Variants in ARHGEF10L observed in about 807,000 individuals in gnomAD.
ARHGEF10L encodes the protein Rho guanine nucleotide exchange factor 10 like.
Under a neutral mutation model 141.2 loss-of-function variants are expected in ARHGEF10L, and 69 were observed. The ratio of observed to expected loss-of-function variants is 0.49; its 90% CI spans 0.40 to 0.60. The LOEUF (loss-of-function observed/expected upper bound fraction) is 0.60, where lower values mean the gene tolerates loss of function less well. Among genes scored for constraint, ARHGEF10L ranks in the 20% least tolerant of loss-of-function variants. The pLI, the probability that ARHGEF10L is intolerant of heterozygous loss-of-function variation, is 0.00. For synonymous variants in ARHGEF10L, 711 were observed against 718.5 expected (o/e 0.99, Z 0.17); for missense variants, 1,482 against 1,734.3 (o/e 0.85, Z 2.58).
At chr1:17,556,897 C>A (rs1156462598) in intron 1 of ARHGEF10L, among the ~76,000 whole-genome samples, 2 of 152,200 alleles carry the variant, frequency 1.3e-5, no homozygotes, top group African/African-American at 4.8e-5. Context: ...CGGCACTTGC[C>A]TATAGTCCCA....
At chr1:17,630,222 C>T (rs1387460447) in intron 15 of ARHGEF10L, among the ~76,000 whole-genome samples, 1 of 152,214 alleles carries the variant, frequency 6.6e-6, no homozygotes, top group Non-Finnish European at 1.5e-5. Flanking sequence ...GGGTGTAACC[C>T]GAAACGGAAC....
At chr1:17,632,267 G>T (rs895759112) in intron 15 of ARHGEF10L, 54 bp from the exon 16 acceptor site, 2 of 1,603,616 alleles carry the variant, frequency 1.2e-6, no homozygotes, top group African/African-American at 2.7e-5. Flanking sequence ...TCTCCGGCGC[G>T]GTAAAGCCGC....
chr1:17,646,395 A>T (rs1486763549), intron 21 of ARHGEF10L, among the ~76,000 whole-genome samples: 1 of 152,220 alleles, frequency 6.6e-6, no homozygotes, highest in African/African-American at 2.4e-5. Context: ...AACCTGGAAA[A>T]TGAGGCTCTG....
chr1:17,608,500 C>T (rs541658643), intron 7 of ARHGEF10L, among the ~76,000 whole-genome samples: 1 of 152,308 alleles, frequency 6.6e-6, no homozygotes, highest in East Asian at 1.9e-4. Flanking sequence ...CTCTCCAGGG[C>T]CTCACACGGT....
chr1:17,577,736 T>TC (rs1557729555), intron 1 of ARHGEF10L, among the ~76,000 whole-genome samples: 1 of 152,202 alleles, frequency 6.6e-6, no homozygotes, highest in Non-Finnish European at 1.5e-5. Flanking sequence ...GGCTTTAGGG[T>TC]CAGTGCTCAC....
chr1:17,631,760 T>C (rs915676565), intron 15 of ARHGEF10L, among the ~76,000 whole-genome samples: 5 of 152,266 alleles, frequency 3.3e-5, no homozygotes, highest in African/African-American at 4.8e-5. Flanking sequence ...TTGAAATTCA[T>C]AGTCACTTTG....
chr1:17,609,539 G>C (rs560590803), intron 7 of ARHGEF10L, among the ~76,000 whole-genome samples: 7 of 152,348 alleles, frequency 4.6e-5, no homozygotes, highest in African/African-American at 1.7e-4. Context: ...ATGGGAAACA[G>C]TTTGTCAAAA....
At position 17,626,987 on chromosome 1, in the gene ARHGEF10L, A is replaced by G. The variant is rs558045673; in HGVS notation, c.1411-343A>G. ...TAATACGCCATTGTATGGAGAGACC[A>G]CATTTTGTTTACGCGTTAGTCTGTC... On this transcript the variant is annotated intron_variant, in intron 14 of 28. Coordinates refer to ENST00000361221, the MANE Select transcript of ARHGEF10L (RefSeq NM_018125.4). Among the ~76,000 whole-genome samples the G allele has an allele frequency of 4.6e-5, 7 of 152,340 alleles. No homozygotes were observed. The South Asian group carries it at 1.2e-3, about 27-fold the overall frequency.
intron 7 of ARHGEF10L, 94 bp downstream of exon 7, chr1:17,608,071 C>G: frequency 7.9e-7 from 1 of 1,260,972 alleles, no homozygotes; most frequent in Non-Finnish European, 1.0e-6. Context: ...GAGGGCCAGG[C>G]CTAGGACTCA....
At chr1:17,636,999 A>G (rs2061041479) in intron 18 of ARHGEF10L, among the ~76,000 whole-genome samples, 2 of 151,430 alleles carry the variant, frequency 1.3e-5, no homozygotes, top group South Asian at 4.2e-4. Context: ...CTGTATCATC[A>G]CTGGTGATCT....
chr1:17,642,383 G>A (rs2061375341), intron 21 of ARHGEF10L, among the ~76,000 whole-genome samples: 1 of 152,242 alleles, frequency 6.6e-6, no homozygotes, highest in South Asian at 2.1e-4. Flanking sequence ...AGGGAGGTAG[G>A]TGGGTGTGTT....
chr1:17,557,886 G>A (rs2077398228), intron 1 of ARHGEF10L, among the ~76,000 whole-genome samples: 1 of 152,148 alleles, frequency 6.6e-6, no homozygotes, highest in Non-Finnish European at 1.5e-5. Context: ...TAAATACTTG[G>A]GGTAAAGCTA....
rs549852827 is a variant in ARHGEF10L, at chr1:17,679,049, C to T, written c.3010-8524C>T. ...TTAAAGGAAATTTGGGGTCTGGCCA[C>T]CAGTCTTGGAGCTGGCAGGACGTCC... is the stretch of plus-strand genomic sequence containing the variant. On this transcript the variant is annotated intron_variant, in intron 26 of 28. Transcript: ENST00000361221. Among the ~76,000 whole-genome samples, 21 of 152,326 alleles carry T rather than the reference C, an allele frequency of 1.4e-4. 1 individual carries two copies. In the South Asian group the frequency reaches 4.4e-3, roughly 32 times the overall value.
chr1:17,618,282 G>A (rs886492539), intron 9 of ARHGEF10L: 19 of 1,123,634 alleles, frequency 1.7e-5, no homozygotes, highest in East Asian at 1.1e-4. Context: ...CAAGCCCAGC[G>A]CCTTCCTGAA....
chr1:17,602,731 C>T (rs1273057251), intron 5 of ARHGEF10L, among the ~76,000 whole-genome samples: 2 of 152,116 alleles, frequency 1.3e-5, no homozygotes, highest in African/African-American at 2.4e-5. Context: ...GGCCCTGCAG[C>T]TCCTCAGGGC....
At chr1:17,556,504 G>A (rs910425836) in intron 1 of ARHGEF10L, among the ~76,000 whole-genome samples, 6 of 152,140 alleles carry the variant, frequency 3.9e-5, no homozygotes, top group Non-Finnish European at 5.9e-5. Context: ...GGTACATTTC[G>A]TACCTTTTGG....
intron 26 of ARHGEF10L, among the ~76,000 whole-genome samples, chr1:17,681,966 C>T (rs1250893336): frequency 6.6e-6 from 1 of 151,178 alleles, no homozygotes; most frequent in African/African-American, 2.5e-5. Context: ...CCTGCCCTTA[C>T]TATCACTACA....
rs1014531523 is a variant in ARHGEF10L, at chr1:17,627,909, G to A, written c.1584+406G>A. Reference sequence around the variant, plus strand: ...GAAATGAGGAGCATTTAATAGCACCGGAGCCCTAGGGCTGCTGCCGCAAAA... The same window carrying A: ...GAAATGAGGAGCATTTAATAGCACCAGAGCCCTAGGGCTGCTGCCGCAAAA... On this transcript the variant is annotated intron_variant, in intron 15 of 28. Coordinates refer to ENST00000361221, the MANE Select transcript of ARHGEF10L (RefSeq NM_018125.4). The surrounding 1 kb of genome is among the most constrained non-coding windows in gnomAD (Gnocchi z 4.0). 2.0e-5 allele frequency among the ~76,000 whole-genome samples: 3 copies of A among 152,074 alleles called. No homozygotes were observed. Among genetic ancestry groups the A allele is most frequent in the African/African-American group, 2.4e-5 (1 of 41,410 alleles).
the ARHGEF10L span, among the ~76,000 whole-genome samples, chr1:17,530,632 T>A: frequency 6.6e-6 from 1 of 152,180 alleles, no homozygotes; most frequent in South Asian, 2.1e-4. Flanking sequence ...CACATAGACC[T>A]GGGATCTGTT....
Sources: gnomAD v4.1 joint callset for allele counts (sites outside exome capture counted in the v4.1 genomes callset) on GRCh38, gnomAD v4.1.1 for gene constraint, Gnocchi (gnomAD v3.1) non-coding constraint, MANE v1.5 for transcripts, NCBI Gene and HGNC (gene_info 2026-07-23, HGNC 2026-07-21) for gene names.